GNB5: variants seen among roughly 807,000 people sequenced by gnomAD.
GNB5 encodes the protein G protein subunit beta 5.
Under a neutral mutation model 55.3 loss-of-function variants are expected in GNB5, and 37 were observed. The ratio of observed to expected loss-of-function variants is 0.67; its 90% CI spans 0.51 to 0.88. The LOEUF (loss-of-function observed/expected upper bound fraction) is 0.88, where lower values mean the gene tolerates loss of function less well. Among genes scored for constraint, GNB5 ranks in the 40% least tolerant of loss-of-function variants. The pLI is 0.00. For missense variants in GNB5, 476 were observed against 515.3 expected, an observed-to-expected ratio of 0.92 and a Z score of 0.74; for synonymous variants, 219 against 198.5, an observed-to-expected ratio of 1.10 and a Z score of -0.87.
At position 52,135,776 on chromosome 15, in the gene GNB5, G is replaced by A. The variant is rs765885230; in HGVS notation, c.628-20C>T. The A allele has an allele frequency of 6.2e-7, 1 of 1,610,862 alleles. No homozygotes were observed. The highest frequency in any genetic ancestry group is 1.7e-5 in the Admixed American group (1 of 59,728). ...CAGGATCTGCCCGCAGAAAAGGACA[G>A]GAAGTGGGTGGTTGTGGTTATTGCT... On this transcript the variant is annotated intron_variant, in intron 7 of 12. Transcript: ENST00000261837.
chr15:52,160,637 T>C (rs12901891), intron 3 of GNB5, among the ~76,000 whole-genome samples: 23,734 of 152,190 alleles, frequency 0.16, 2,238 homozygotes, highest in Admixed American at 0.27. Context: ...AAATATATGG[T>C]CACTTACAAT....
At chr15:52,190,688 T>C (rs894642130) in intron 1 of GNB5, among the ~76,000 whole-genome samples, 1 of 149,356 alleles carries the variant, frequency 6.7e-6, no homozygotes, top group Non-Finnish European at 1.5e-5. Flanking sequence ...AACTGGTTGG[T>C]AGGAGCTACT....
intron 2 of GNB5, among the ~76,000 whole-genome samples, chr15:52,181,993 G>A (rs1365223542): frequency 6.6e-6 from 1 of 152,148 alleles, no homozygotes; most frequent in Non-Finnish European, 1.5e-5. Context: ...ACCTGTTTGA[G>A]AGTTTGTAAA....
intron 9 of GNB5, among the ~76,000 whole-genome samples, chr15:52,129,869 T>C (rs982299509): frequency 1.3e-5 from 2 of 152,208 alleles, no homozygotes; most frequent in Non-Finnish European, 2.9e-5. Flanking sequence ...GAAATGTCCT[T>C]CCCAAAATGC....
intron 3 of GNB5, among the ~76,000 whole-genome samples, chr15:52,163,086 G>A (rs1294111746): frequency 6.6e-6 from 1 of 151,966 alleles, no homozygotes; most frequent in Non-Finnish European, 1.5e-5. Flanking sequence ...ACTGAGCCAG[G>A]GGAGCCCCGA....
intron 4 of GNB5, among the ~76,000 whole-genome samples, chr15:52,152,058 T>C (rs1223120378): frequency 6.6e-6 from 1 of 151,778 alleles, no homozygotes; most frequent in Admixed American, 6.6e-5. Context: ...GTAGAATACA[T>C]AAGTGATAAA....
chr15:52,149,602 G>A (rs2034048261), intron 5 of GNB5: 1 of 594,370 alleles, frequency 1.7e-6, no homozygotes, highest in South Asian at 2.1e-5. Context: ...TTGCACATGT[G>A]GTTGCAAGTT....
intron 3 of GNB5, among the ~76,000 whole-genome samples, chr15:52,179,362 A>G (rs2034715103): frequency 6.6e-6 from 1 of 151,988 alleles, no homozygotes; most frequent in South Asian, 2.1e-4. Flanking sequence ...ATTAAAAAAC[A>G]AAACAGGAGT....
chr15:52,177,103 C>T (rs988214022), intron 3 of GNB5, among the ~76,000 whole-genome samples: 2 of 142,170 alleles, frequency 1.4e-5, no homozygotes, highest in African/African-American at 5.3e-5. Context: ...GGCAAGATCT[C>T]GGCTCACTGC....
chr15:52,149,867 T>C lies in GNB5; in HGVS notation c.417+17A>G. On this transcript the variant is annotated intron_variant, in intron 5 of 12. Coordinates refer to ENST00000261837, the MANE Select transcript of GNB5 (RefSeq NM_016194.4). Reference sequence around the variant, plus strand: ...GATTCTGAAGCCTCTATAACGTGGCTGGGAACAATGCCTCACCTTGTTTGT... The same window carrying C: ...GATTCTGAAGCCTCTATAACGTGGCCGGGAACAATGCCTCACCTTGTTTGT... The C allele has an allele frequency of 6.3e-7, 1 of 1,596,262 alleles. No homozygotes were observed. The highest frequency in any genetic ancestry group is 1.1e-5 in the South Asian group (1 of 90,554).
At chr15:52,182,043 G>T (rs928214837) in intron 2 of GNB5, among the ~76,000 whole-genome samples, 1 of 152,224 alleles carries the variant, frequency 6.6e-6, no homozygotes, top group Non-Finnish European at 1.5e-5. Flanking sequence ...AGATCTGACT[G>T]CCTGGGGGCA....
Position 52,138,052 on chromosome 15 carries a change from C to T in GNB5, c.628-2296G>A, listed in dbSNP as rs144278396. ...AGCTGCTGATGGGATCTCTCCTCCT[C>T]ACCCTTTGCCCCCTTTCCCTTTTTC... On this transcript the variant is annotated intron_variant, in intron 7 of 12. Coordinates refer to ENST00000261837, the MANE Select transcript of GNB5 (RefSeq NM_016194.4). 22 of 822,878 alleles carry T rather than the reference C, an allele frequency of 2.7e-5. No individual in the cohort carries two copies. The East Asian group carries it at 1.3e-3, about 47-fold the overall frequency. The allele number at this position is 822,878 out of a possible 1,614,324, so 51.0% of individuals were successfully genotyped here.
At chr15:52,165,053 T>C (rs1183330305) in intron 3 of GNB5, among the ~76,000 whole-genome samples, 1 of 152,106 alleles carries the variant, frequency 6.6e-6, no homozygotes, top group Non-Finnish European at 1.5e-5. Flanking sequence ...AACATAAGAA[T>C]GTCACGATGC....
rs1344555810 is a variant in GNB5 at position 52,141,127 on chromosome 15, G to A, written c.627+13C>T. 28 of 1,613,460 alleles carry A rather than the reference G, an allele frequency of 1.7e-5. No homozygotes were observed. Among genetic ancestry groups the A allele is most frequent in the Non-Finnish European group, 2.4e-5 (28 of 1,179,564 alleles). On this transcript the variant is annotated intron_variant, in intron 7 of 12. Transcript: ENST00000261837. ...TTGGCAGGTCAACCTGACACCGGGG[G>A]CTGCCTATTTACCTGCATGTCAGAG...
At chr15:52,190,548 G>A (rs1001829634) in intron 1 of GNB5, among the ~76,000 whole-genome samples, 1 of 152,032 alleles carries the variant, frequency 6.6e-6, no homozygotes, top group Non-Finnish European at 1.5e-5. Context: ...GTAAAACTAC[G>A]ATGTGATACA....
chr15:52,160,531 AAG>A (rs1375069606), intron 3 of GNB5, among the ~76,000 whole-genome samples: 4 of 152,244 alleles, frequency 2.6e-5, no homozygotes, highest in Non-Finnish European at 4.4e-5. Context: ...GGTGAATGAA[AAG>A]AGGGGTTGTG....
chr15:52,161,118 G>A (rs1026019456), intron 3 of GNB5, among the ~76,000 whole-genome samples: 1 of 152,146 alleles, frequency 6.6e-6, no homozygotes, highest in South Asian at 2.1e-4. Context: ...TGAGGAGCCT[G>A]GAGCTCAGAG....
intron 6 of GNB5, among the ~76,000 whole-genome samples, chr15:52,146,408 A>G (rs1325688055): frequency 6.6e-6 from 1 of 152,136 alleles, no homozygotes; most frequent in African/African-American, 2.4e-5. Flanking sequence ...AGAATAGGGA[A>G]TAAGGCACAC....
intron 7 of GNB5, chr15:52,137,112 T>C: frequency 1.7e-6 from 1 of 586,180 alleles, no homozygotes; most frequent in Admixed American, 3.7e-5. Flanking sequence ...CTAAGTACCC[T>C]TCCCTAATTC....
Sources: gnomAD v4.1 joint callset for allele counts (sites outside exome capture counted in the v4.1 genomes callset) on GRCh38, gnomAD v4.1.1 for gene constraint, MANE v1.5 for transcripts, NCBI Gene and HGNC (gene_info 2026-07-23, HGNC 2026-07-21) for gene names.